Variants in MGAT5 observed in about 807,000 individuals in gnomAD.
The protein encoded by MGAT5 is alpha-1,6-mannosylglycoprotein 6-beta-N-acetylglucosaminyltransferase.
Under a neutral mutation model 94.3 loss-of-function variants are expected in MGAT5, and 30 were observed. The ratio of observed to expected loss-of-function variants is 0.32; its 90% CI spans 0.24 to 0.43. The LOEUF is 0.43. Among genes scored for constraint, MGAT5 ranks in the 20% least tolerant of loss-of-function variants. The pLI, the probability that MGAT5 is intolerant of heterozygous loss-of-function variation, is 1.00. For synonymous variants in MGAT5, 310 were observed against 322.9 expected (o/e 0.96, Z 0.43); for missense variants, 691 against 905.5 (o/e 0.76, Z 3.04).
At chr2:134,144,296 C>A (rs1686803213) in intron 1 of MGAT5, among the ~76,000 whole-genome samples, 1 of 152,140 alleles carries the variant, frequency 6.6e-6, no homozygotes, top group African/African-American at 2.4e-5. Flanking sequence ...GGAAACTCAC[C>A]ATCATGGCAG....
intron 10 of MGAT5, among the ~76,000 whole-genome samples, chr2:134,386,482 T>C (rs1197559585): frequency 6.6e-6 from 1 of 152,250 alleles, no homozygotes. Context: ...CGCACTGCTT[T>C]AGTGGTCTGT....
intron 4 of MGAT5, among the ~76,000 whole-genome samples, chr2:134,322,133 A>C (rs1241249122): frequency 6.6e-6 from 1 of 152,208 alleles, no homozygotes; most frequent in Admixed American, 6.5e-5. Flanking sequence ...CTTAGAGTAC[A>C]ACCCGGCAGA....
intron 10 of MGAT5, among the ~76,000 whole-genome samples, chr2:134,363,982 G>A (rs1018600762): frequency 6.6e-6 from 1 of 152,168 alleles, no homozygotes; most frequent in Non-Finnish European, 1.5e-5. Flanking sequence ...TTAAAGAAAA[G>A]CCTCTGTATC....
chr2:134,428,373 A>C lies in MGAT5; in HGVS notation c.1803A>C (p.Pro601=). The C allele has an allele frequency of 6.2e-7, 1 of 1,614,098 alleles. No homozygotes were observed. Among genetic ancestry groups the C allele is most frequent in the African/African-American group, 1.3e-5 (1 of 75,062 alleles). The change falls in exon 14 of 16, where the codon CCA becomes CCC. Residue 601 remains proline, a synonymous_variant. Coordinates refer to ENST00000281923, the MANE Select transcript of MGAT5 (RefSeq NM_002410.5). ...VKAILNQKIE[P]YMPYEFTCEG... ...ATGCTCTGTTTCCACAGATTGAGCC[A>C]TACATGCCATATGAATTTACGTGCG... is the stretch of plus-strand genomic sequence containing the variant.
chr2:134,185,222 T>G (rs1688945665), intron 1 of MGAT5, among the ~76,000 whole-genome samples: 1 of 152,194 alleles, frequency 6.6e-6, no homozygotes, highest in Admixed American at 6.5e-5. Context: ...TCTTGAGTCC[T>G]TAAGAGCAGA....
intron 1 of MGAT5, among the ~76,000 whole-genome samples, chr2:134,165,161 T>G (rs151130032): frequency 5.3e-5 from 8 of 152,278 alleles, no homozygotes; most frequent in Non-Finnish European, 1.2e-4. Context: ...TCTTAAAATT[T>G]TCTTTAGGTT....
chr2:134,187,430 C>T (rs1253557285), intron 1 of MGAT5, among the ~76,000 whole-genome samples: 6 of 152,018 alleles, frequency 3.9e-5, no homozygotes, highest in East Asian at 1.9e-4. Flanking sequence ...AATGAATTGG[C>T]CCCTCTCTGA....
intron 2 of MGAT5, among the ~76,000 whole-genome samples, chr2:134,293,465 AT>A (rs1205881647): frequency 1.3e-5 from 2 of 149,100 alleles, no homozygotes; most frequent in Non-Finnish European, 3.0e-5. Flanking sequence ...TCTTTGCTTT[AT>A]TTTTTTATTT....
intron 1 of MGAT5, among the ~76,000 whole-genome samples, chr2:134,261,730 G>C (rs1231494896): frequency 2.6e-5 from 4 of 152,186 alleles, no homozygotes; most frequent in Non-Finnish European, 4.4e-5. Context: ...TGAAAGAGGA[G>C]GGACTTTGGT....
At chr2:134,157,270 A>G (rs1276205532) in intron 1 of MGAT5, among the ~76,000 whole-genome samples, 1 of 152,198 alleles carries the variant, frequency 6.6e-6, no homozygotes, top group Non-Finnish European at 1.5e-5. Flanking sequence ...GTAAGATGTT[A>G]ACTTTAGGGG....
At chr2:134,415,543 G>C (rs1241145964) in intron 12 of MGAT5, among the ~76,000 whole-genome samples, 1 of 152,174 alleles carries the variant, frequency 6.6e-6, no homozygotes, top group Non-Finnish European at 1.5e-5. Flanking sequence ...TATGTGGTTT[G>C]CAAATATTTT....
At chr2:134,226,443 A>G (rs1573562026) in intron 1 of MGAT5, among the ~76,000 whole-genome samples, 1 of 152,166 alleles carries the variant, frequency 6.6e-6, no homozygotes, top group Admixed American at 6.5e-5. Flanking sequence ...CTTTTTCTAT[A>G]TTTCTCTCTG....
chr2:134,330,632 T>C (rs1339458928), intron 4 of MGAT5, among the ~76,000 whole-genome samples: 1 of 151,660 alleles, frequency 6.6e-6, no homozygotes, highest in Non-Finnish European at 1.5e-5. Context: ...GGTATGCTTA[T>C]GTAACTCCTT....
At chr2:134,383,799 G>A (rs1299549335) in intron 10 of MGAT5, among the ~76,000 whole-genome samples, 1 of 151,858 alleles carries the variant, frequency 6.6e-6, no homozygotes, top group Non-Finnish European at 1.5e-5. Flanking sequence ...CGCCTCCTGG[G>A]TTCACACCAT....
intron 1 of MGAT5, among the ~76,000 whole-genome samples, chr2:134,255,245 A>T (rs912406188): frequency 2.6e-5 from 4 of 152,072 alleles, no homozygotes; most frequent in Non-Finnish European, 2.9e-5. Flanking sequence ...TCTTTAAAGA[A>T]TTTTTTTCAG....
At chr2:134,208,260 C>T (rs1371521500) in intron 1 of MGAT5, among the ~76,000 whole-genome samples, 4 of 152,122 alleles carry the variant, frequency 2.6e-5, no homozygotes, top group African/African-American at 9.7e-5. Flanking sequence ...CCTGCATCAA[C>T]TCATTTATTT....
intron 1 of MGAT5, among the ~76,000 whole-genome samples, chr2:134,163,466 G>A (rs2105075269): frequency 6.6e-6 from 1 of 152,290 alleles, no homozygotes; most frequent in East Asian, 1.9e-4. Flanking sequence ...TACTGAGTAG[G>A]AGACAGTTAA....
At chr2:134,381,399 T>TA (rs879455351) in intron 10 of MGAT5, among the ~76,000 whole-genome samples, 3,160 of 83,736 alleles carry the variant, frequency 0.038, 75 homozygotes, top group African/African-American at 0.085. Context: ...GATAGATAGA[T>TA]AGATAGATAG....
chr2:134,202,166 A>G (rs1679821742), intron 1 of MGAT5, among the ~76,000 whole-genome samples: 1 of 152,108 alleles, frequency 6.6e-6, no homozygotes, highest in Non-Finnish European at 1.5e-5. Context: ...TTTCTTGTTC[A>G]GCTTCTCTGT....
Sources: gnomAD v4.1 joint callset for allele counts (sites outside exome capture counted in the v4.1 genomes callset) on GRCh38, gnomAD v4.1.1 for gene constraint, MANE v1.5 for transcripts, NCBI Gene and HGNC (gene_info 2026-07-23, HGNC 2026-07-21) for gene names.